The following MAP3K20 variants were observed in gnomAD, a reference collection of about 807,000 sequenced individuals.
MAP3K20 encodes mitogen-activated protein kinase kinase kinase 20.
In MAP3K20, 40 loss-of-function variants were observed where a neutral mutation model predicts 85.7. The observed-to-expected ratio is 0.47, with a 90% CI of 0.36 to 0.61. MAP3K20 has a LOEUF of 0.61. Ranked by LOEUF, MAP3K20 falls within the 20% of genes least tolerant of loss-of-function variation. The pLI, the probability that MAP3K20 is intolerant of heterozygous loss-of-function variation, is 0.00. For missense variants in MAP3K20, 817 were observed against 961.7 expected (o/e 0.85, Z 1.99); for synonymous variants, 325 against 327.7 (o/e 0.99, Z 0.09).
intron 1 of MAP3K20, among the ~76,000 whole-genome samples, chr2:173,080,677 A>G (rs116116520): frequency 0.016 from 2,370 of 152,284 alleles, 58 homozygotes; most frequent in African/African-American, 0.054. Context: ...TGGTGGGAGC[A>G]TTCCTACCAT....
At chr2:173,108,978 A>C (rs1687864167) in intron 2 of MAP3K20, among the ~76,000 whole-genome samples, 1 of 152,190 alleles carries the variant, frequency 6.6e-6, no homozygotes, top group African/African-American at 2.4e-5. Flanking sequence ...CCCTCTGTTG[A>C]GTTTTCAATC....
At chr2:173,075,631 G>A, upstream of MAP3K20, 1 of 589,102 alleles carries the variant, frequency 1.7e-6, no homozygotes, top group African/African-American at 2.0e-5. Context: ...CTGGGGGCGA[G>A]GGGGAACACC....
chr2:173,077,713 G>A (rs186920782), intron 1 of MAP3K20, among the ~76,000 whole-genome samples: 29 of 152,128 alleles, frequency 1.9e-4, no homozygotes, highest in African/African-American at 6.7e-4. Context: ...GACTTTCTCC[G>A]TTGTCTAAAA....
At chr2:173,144,270 A>C (rs35464261) in intron 2 of MAP3K20, among the ~76,000 whole-genome samples, 1 of 151,802 alleles carries the variant, frequency 6.6e-6, no homozygotes, top group Non-Finnish European at 1.5e-5. Flanking sequence ...AAGACCATCC[A>C]GGCTAACACA....
At chr2:173,203,536 T>G (rs1278903900) in intron 8 of MAP3K20, among the ~76,000 whole-genome samples, 4 of 152,176 alleles carry the variant, frequency 2.6e-5, no homozygotes, top group Non-Finnish European at 5.9e-5. Context: ...GTTTAGATAT[T>G]TTATGTTTTG....
chr2:173,158,473 A>G (rs538081830), intron 2 of MAP3K20, among the ~76,000 whole-genome samples: 1 of 152,326 alleles, frequency 6.6e-6, no homozygotes, highest in Non-Finnish European at 1.5e-5. Context: ...TAAATACAAT[A>G]CAATATCTCA....
At chr2:173,112,902 G>A (rs1163059249) in intron 2 of MAP3K20, among the ~76,000 whole-genome samples, 3 of 151,994 alleles carry the variant, frequency 2.0e-5, no homozygotes, top group Admixed American at 2.0e-4. Context: ...TTCTTTCCTG[G>A]TTTTGGTATT....
chr2:173,188,647 G>A (rs188230955), intron 5 of MAP3K20, among the ~76,000 whole-genome samples: 4 of 152,036 alleles, frequency 2.6e-5, no homozygotes, highest in Non-Finnish European at 5.9e-5. Context: ...GGGGCGGGGA[G>A]GGAAGTTATC....
intron 2 of MAP3K20, among the ~76,000 whole-genome samples, chr2:173,101,842 T>C (rs888411040): frequency 6.6e-6 from 1 of 152,202 alleles, no homozygotes; most frequent in African/African-American, 2.4e-5. Context: ...TACCCAAGAA[T>C]AGAGGCCATG....
At position 173,266,368 on chromosome 2, in the gene MAP3K20, C is replaced by T; in HGVS notation, c.2021C>T (p.Ser674Leu). 1 of 1,614,076 alleles carries T rather than the reference C, an allele frequency of 6.2e-7. No individual in the cohort carries two copies. Among genetic ancestry groups the T allele is most frequent in the Non-Finnish European group, 8.5e-7 (1 of 1,179,998 alleles). ...TDTSSERGRY[S>L]DRSRNKYGRG... Reference sequence around the variant, plus strand: ...ACCTCTTCAGAGAGGGGTCGATACTCAGACAGAAGCAGGAACAAATATGGA... The same window carrying T: ...ACCTCTTCAGAGAGGGGTCGATACTTAGACAGAAGCAGGAACAAATATGGA... Residue 674 changes from serine (S) to leucine (L), a missense_variant, in exon 20 of 20, where the codon TCA (serine) becomes TTA (leucine). Around this residue, in one of 4 missense-constraint regions of MAP3K20, gnomAD observed 454 missense variants for 476.9 expected, o/e 0.95. Coordinates refer to ENST00000375213, the MANE Select transcript of MAP3K20 (RefSeq NM_016653.3).
At chr2:173,086,077 T>A (rs1015452546) in intron 1 of MAP3K20, among the ~76,000 whole-genome samples, 1 of 152,142 alleles carries the variant, frequency 6.6e-6, no homozygotes, top group Admixed American at 6.5e-5. Flanking sequence ...ACTATAGGCG[T>A]GAGCCACCGT....
At chr2:173,258,634 A>G in intron 16 of MAP3K20, 65 bp from the exon 17 acceptor site, 1 of 878,496 alleles carries the variant, frequency 1.1e-6, no homozygotes, top group Non-Finnish European at 1.8e-6. Flanking sequence ...GTGTTAGGAA[A>G]TATTGAGACT....
chr2:173,076,981 C>A (rs1238271205), intron 1 of MAP3K20, among the ~76,000 whole-genome samples: 1 of 152,206 alleles, frequency 6.6e-6, no homozygotes, highest in Non-Finnish European at 1.5e-5. Flanking sequence ...GTTTCTGATG[C>A]GCTTTGAGAT....
intron 2 of MAP3K20, among the ~76,000 whole-genome samples, chr2:173,128,450 A>C (rs2106197087): frequency 6.6e-6 from 1 of 152,048 alleles, no homozygotes; most frequent in East Asian, 1.9e-4. Context: ...CTCGTGCCTC[A>C]GCCTCCTGAG....
chr2:173,104,055 T>C (rs1005047250), intron 2 of MAP3K20, among the ~76,000 whole-genome samples: 1 of 152,248 alleles, frequency 6.6e-6, no homozygotes, highest in African/African-American at 2.4e-5. Flanking sequence ...ATAAATGGTA[T>C]GTCAACACAT....
intron 3 of MAP3K20, among the ~76,000 whole-genome samples, chr2:173,181,721 C>T (rs1182526778): frequency 6.6e-6 from 1 of 152,036 alleles, no homozygotes; most frequent in Non-Finnish European, 1.5e-5. Context: ...GAATTGAAGT[C>T]TTCTTATATG....
rs796770620 is a variant in MAP3K20 at position 173,179,704 on chromosome 2, G to A, written c.248-3150G>A. Among the ~76,000 whole-genome samples, 557 of 146,152 alleles carry A rather than the reference G, an allele frequency of 3.8e-3. 2 individuals are homozygous for A. Among genetic ancestry groups the A allele is most frequent in the African/African-American group, 0.013 (517 of 39,406 alleles). ...ATAGGTAGAAAATCCTAAGGAATGC[G>A]CACACACACACACACACACACACAC... On this transcript the variant is annotated intron_variant, in intron 3 of 19. Transcript: ENST00000375213.
intron 15 of MAP3K20, 54 bp from the exon 16 acceptor site, chr2:173,239,350 C>A: frequency 3.7e-6 from 5 of 1,368,420 alleles, no homozygotes; most frequent in Admixed American, 2.5e-5. Flanking sequence ...ATCTTCTTTA[C>A]ATGAGAAGTA....
chr2:173,210,779 C>T (rs897689388), intron 10 of MAP3K20: 6 of 152,188 alleles, frequency 3.9e-5, no homozygotes, highest in African/African-American at 9.7e-5. Context: ...TGACGCCTTA[C>T]GCCATCTGCT....
Sources: gnomAD v4.1 joint callset for allele counts (sites outside exome capture counted in the v4.1 genomes callset) on GRCh38, gnomAD v4.1.1 for gene constraint, gnomAD v4.1.1 regional missense constraint, MANE v1.5 for transcripts, NCBI Gene and HGNC (gene_info 2026-07-23, HGNC 2026-07-21) for gene names.